The following ADGRG7 variants were observed in gnomAD, a reference collection of about 807,000 sequenced individuals.
The protein encoded by ADGRG7 is G-protein coupled receptor 128.
ADGRG7 carries 82 observed loss-of-function variants against 88.6 expected under a neutral mutation model. The observed-to-expected ratio is 0.93, with a 90% confidence interval of 0.77 to 1.11. ADGRG7 has a LOEUF of 1.11. Ranked by LOEUF, ADGRG7 falls within the 50% of genes most tolerant of loss-of-function variation. ADGRG7 has a pLI of 0.00. For synonymous variants in ADGRG7, 381 were observed against 345.2 expected, an observed-to-expected ratio of 1.10 and a Z score of -1.15; for missense variants, 945 against 953.4, an observed-to-expected ratio of 0.99 and a Z score of 0.12.
At chr3:100,655,269 G>T (rs763796322) in intron 12 of ADGRG7, 88 bp downstream of exon 12, 18 of 888,996 alleles carry the variant, frequency 2.0e-5, no homozygotes, top group Non-Finnish European at 2.6e-5. Context: ...AATAGTCCAA[G>T]GCCTTGACGT....
At chr3:100,662,996 A>G (rs558100233) in intron 14 of ADGRG7, among the ~76,000 whole-genome samples, 1 of 152,234 alleles carries the variant, frequency 6.6e-6, no homozygotes, top group African/African-American at 2.4e-5. Context: ...TCCCCATAGA[A>G]CAGATAAAAT....
At chr3:100,675,558 C>T (rs901891204) in intron 15 of ADGRG7, among the ~76,000 whole-genome samples, 17 of 151,864 alleles carry the variant, frequency 1.1e-4, no homozygotes, top group Admixed American at 2.0e-4. Flanking sequence ...TAGTTTCTTT[C>T]TTTCTTTCTT....
intron 15 of ADGRG7, among the ~76,000 whole-genome samples, chr3:100,675,253 G>T (rs2094963580): frequency 6.6e-6 from 1 of 152,048 alleles, no homozygotes; most frequent in South Asian, 2.1e-4. Context: ...AGCTTTTATT[G>T]TGTTGAAGTA....
At position 100,689,441 on chromosome 3, in the gene ADGRG7, C is replaced by T. The variant is rs558715779; in HGVS notation, c.2137-5303C>T. Among the ~76,000 whole-genome samples, 396 of 152,232 alleles carry T rather than the reference C, an allele frequency of 2.6e-3. 1 individual carries two copies. Among genetic ancestry groups the T allele is most frequent in the African/African-American group, 9.3e-3 (386 of 41,530 alleles). On this transcript the variant is annotated intron_variant, in intron 15 of 15. Transcript: ENST00000273352. ...CATTATGTTAGCCAGTTATTTTGCT[C>T]GTTAGTTGATGCAGTTTCTTCCTAG...
At chr3:100,663,155 A>G (rs2094947719) in intron 14 of ADGRG7, among the ~76,000 whole-genome samples, 1 of 152,130 alleles carries the variant, frequency 6.6e-6, no homozygotes, top group Non-Finnish European at 1.5e-5. Flanking sequence ...GTTCTAATGT[A>G]CGGCAGGTCA....
At chr3:100,616,019 C>T (rs576126194) in intron 1 of ADGRG7, among the ~76,000 whole-genome samples, 18 of 150,342 alleles carry the variant, frequency 1.2e-4, no homozygotes, top group African/African-American at 4.3e-4. Context: ...AAAAAAAAGT[C>T]ACTACCAGTA....
intron 1 of ADGRG7, among the ~76,000 whole-genome samples, chr3:100,614,833 A>G (rs1262473007): frequency 6.6e-6 from 1 of 152,200 alleles, no homozygotes; most frequent in African/African-American, 2.4e-5. Context: ...AGCAGCATGT[A>G]TGTGTTGTAT....
intron 15 of ADGRG7, among the ~76,000 whole-genome samples, chr3:100,670,328 A>T (rs1423037137): frequency 6.6e-6 from 1 of 152,230 alleles, no homozygotes. Flanking sequence ...ATGTTGTTAC[A>T]AATGACAGGA....
At chr3:100,648,125 G>T (rs1318159446) in intron 10 of ADGRG7, among the ~76,000 whole-genome samples, 2 of 152,148 alleles carry the variant, frequency 1.3e-5, no homozygotes, top group African/African-American at 4.8e-5. Flanking sequence ...GATGAGCTAT[G>T]TAAAGCTCAG....
intron 15 of ADGRG7, among the ~76,000 whole-genome samples, chr3:100,683,495 G>A (rs2094976850): frequency 6.6e-6 from 1 of 152,234 alleles, no homozygotes; most frequent in South Asian, 2.1e-4. Flanking sequence ...CAGCCTCTCA[G>A]GGAGCTGGCG....
intron 1 of ADGRG7, among the ~76,000 whole-genome samples, chr3:100,611,104 G>A (rs1201469991): frequency 6.6e-6 from 1 of 152,182 alleles, no homozygotes; most frequent in Non-Finnish European, 1.5e-5. Context: ...TGGAGCAAAT[G>A]TGTTTTTGTT....
intron 14 of ADGRG7, among the ~76,000 whole-genome samples, chr3:100,667,576 T>C (rs967442276): frequency 6.6e-5 from 10 of 152,240 alleles, no homozygotes; most frequent in African/African-American, 7.2e-5. Context: ...CAGTTTATCA[T>C]TGATGGACAT....
intron 13 of ADGRG7, among the ~76,000 whole-genome samples, chr3:100,658,113 G>C (rs937114056): frequency 6.6e-6 from 1 of 151,976 alleles, no homozygotes; most frequent in African/African-American, 2.4e-5. Flanking sequence ...TCATCTCATC[G>C]TCTTCCCCAG....
chr3:100,674,534 G>A (rs1269112394), intron 15 of ADGRG7, among the ~76,000 whole-genome samples: 2 of 149,718 alleles, frequency 1.3e-5, no homozygotes, highest in Admixed American at 6.6e-5. Flanking sequence ...CTAAGGTATT[G>A]CATTTTATTT....
At chr3:100,680,466 T>A (rs28891840) in intron 15 of ADGRG7, among the ~76,000 whole-genome samples, 4,964 of 152,264 alleles carry the variant, frequency 0.033, 273 homozygotes, top group African/African-American at 0.11. Context: ...TTTTTTTATA[T>A]GGGTTAATTT....
At position 100,668,963 on chromosome 3, in the gene ADGRG7, C is replaced by A; in HGVS notation, c.1994C>A (p.Ser665Ter). ...CTTTCACCTAGCACAAAAAAAGTTT[C>A]ATCCATGAAGAAGATTGTTAGCACA... Reference protein sequence around the residue: ...NQNLTSTKKVSSMKKIVSTLS... With the variant: ...NQNLTSTKKV Residue 665 changes from serine to a stop codon, truncating the protein, a stop_gained, in exon 15 of 16, where the codon TCA (serine) becomes TAA (stop). Transcript: ENST00000273352. LOFTEE classifies it high-confidence loss of function. 1 of 1,587,676 alleles carries A rather than the reference C, an allele frequency of 6.3e-7. No homozygotes were observed. The highest frequency in any genetic ancestry group is 1.2e-5 in the South Asian group (1 of 84,202).
intron 15 of ADGRG7, among the ~76,000 whole-genome samples, chr3:100,694,507 C>G (rs192457251): frequency 2.0e-5 from 3 of 152,256 alleles, no homozygotes; most frequent in Non-Finnish European, 4.4e-5. Context: ...CAACCCAGGA[C>G]CTGAACTCGG....
chr3:100,632,351 T>A (rs1389090522), intron 3 of ADGRG7, among the ~76,000 whole-genome samples: 1 of 152,190 alleles, frequency 6.6e-6, no homozygotes, highest in East Asian at 1.9e-4. Context: ...ATTTGGATTC[T>A]AACTGTTGGC....
At chr3:100,612,140 T>C (rs1271341053) in intron 1 of ADGRG7, among the ~76,000 whole-genome samples, 1 of 152,078 alleles carries the variant, frequency 6.6e-6, no homozygotes, top group East Asian at 1.9e-4. Context: ...AACATATATA[T>C]AAATTAAAAG....
Sources: allele counts gnomAD v4.1 joint callset (sites outside exome capture counted in the v4.1 genomes callset), GRCh38; gene constraint gnomAD v4.1.1; transcripts MANE v1.5; gene names NCBI Gene and HGNC (gene_info 2026-07-23, HGNC 2026-07-21).